The following HS6ST3 variants were observed in gnomAD, a reference collection of about 807,000 sequenced individuals.
HS6ST3 encodes heparan sulfate 6-O-sulfotransferase 3.
Under a neutral mutation model 36.7 loss-of-function variants are expected in HS6ST3, and 12 were observed. The observed-to-expected ratio is 0.33, with a 90% CI of 0.21 to 0.53. HS6ST3 has a LOEUF of 0.53. Ranked by LOEUF, HS6ST3 falls within the 20% of genes least tolerant of loss-of-function variation. The probability of loss-of-function intolerance (pLI) is 0.95; values close to 1 mark genes in which losing one functional copy is unlikely to be tolerated. For synonymous variants in HS6ST3, 240 were observed against 257.5 expected (o/e 0.93, Z 0.65); for missense variants, 584 against 640.9 (o/e 0.91, Z 0.96).
chr13:96,671,987 C>G (rs993537289), intron 1 of HS6ST3, among the ~76,000 whole-genome samples: 2 of 152,146 alleles, frequency 1.3e-5, no homozygotes, highest in African/African-American at 4.8e-5. Context: ...AATCAATACT[C>G]TCCTGCTCCA....
At chr13:96,315,999 G>A (rs2054967068) in intron 1 of HS6ST3, among the ~76,000 whole-genome samples, 2 of 152,014 alleles carry the variant, frequency 1.3e-5, no homozygotes, top group South Asian at 4.1e-4. Context: ...GCTCACTTCT[G>A]GTTGTATTTT....
At chr13:96,576,858 C>T (rs370991891) in intron 1 of HS6ST3, among the ~76,000 whole-genome samples, 7 of 144,682 alleles carry the variant, frequency 4.8e-5, no homozygotes, top group East Asian at 2.1e-4. Flanking sequence ...GCAGGAGAAT[C>T]GCTTGAACCC....
At chr13:96,102,127 T>C (rs1447485462) in intron 1 of HS6ST3, among the ~76,000 whole-genome samples, 1 of 152,216 alleles carries the variant, frequency 6.6e-6, no homozygotes, top group Non-Finnish European at 1.5e-5. Flanking sequence ...AGTTCCTTAT[T>C]GTGCCTTCTG....
intron 1 of HS6ST3, among the ~76,000 whole-genome samples, chr13:96,674,485 G>A (rs757064605): frequency 6.6e-6 from 1 of 151,854 alleles, no homozygotes; most frequent in African/African-American, 2.4e-5. Flanking sequence ...TTAATCCCCC[G>A]GGCTTCTCCT....
At chr13:96,439,305 T>C (rs1347253278) in intron 1 of HS6ST3, among the ~76,000 whole-genome samples, 1 of 152,216 alleles carries the variant, frequency 6.6e-6, no homozygotes, top group Non-Finnish European at 1.5e-5. Context: ...ATATGTGTAT[T>C]TCTAAAAGTA....
At chr13:96,753,107 T>C (rs544067752) in intron 1 of HS6ST3, among the ~76,000 whole-genome samples, 1 of 152,358 alleles carries the variant, frequency 6.6e-6, no homozygotes, top group Admixed American at 6.5e-5. Context: ...TTGGTGTTTT[T>C]ATCTATCCTT....
At chr13:96,739,578 G>A (rs920404582) in intron 1 of HS6ST3, among the ~76,000 whole-genome samples, 12 of 152,022 alleles carry the variant, frequency 7.9e-5, no homozygotes, top group African/African-American at 2.7e-4. Flanking sequence ...TCATCTCACA[G>A]CCCACATCCA....
At chr13:96,521,385 C>G (rs534033826) in intron 1 of HS6ST3, among the ~76,000 whole-genome samples, 1 of 152,192 alleles carries the variant, frequency 6.6e-6, no homozygotes, top group East Asian at 1.9e-4. Flanking sequence ...AGGGAGGATT[C>G]CCTCTTTTTC....
intron 1 of HS6ST3, among the ~76,000 whole-genome samples, chr13:96,821,126 G>T (rs1209954768): frequency 6.6e-6 from 1 of 152,184 alleles, no homozygotes. Context: ...GGTGTGCTGG[G>T]CTCAGGAAAA....
chr13:96,428,381 G>A (rs1295599353), intron 1 of HS6ST3, among the ~76,000 whole-genome samples: 1 of 152,134 alleles, frequency 6.6e-6, no homozygotes, highest in Non-Finnish European at 1.5e-5. Flanking sequence ...GGACTGGGTG[G>A]TTTAATAAAT....
At chr13:96,128,654 C>G (rs752486056) in intron 1 of HS6ST3, among the ~76,000 whole-genome samples, 13 of 152,160 alleles carry the variant, frequency 8.5e-5, no homozygotes, top group Admixed American at 2.6e-4. Flanking sequence ...CTCTGCATCT[C>G]CTGGTTCACC....
chr13:96,363,039 G>A (rs569469453), intron 1 of HS6ST3, among the ~76,000 whole-genome samples: 16 of 152,174 alleles, frequency 1.1e-4, no homozygotes, highest in African/African-American at 3.6e-4. Context: ...TGATTATAAA[G>A]GTTTAGCACA....
intron 1 of HS6ST3, among the ~76,000 whole-genome samples, chr13:96,372,168 A>G (rs2139441666): frequency 6.6e-6 from 1 of 152,246 alleles, no homozygotes; most frequent in African/African-American, 2.4e-5. Context: ...CATTTTGATA[A>G]TAGGCATCCT....
intron 1 of HS6ST3, among the ~76,000 whole-genome samples, chr13:96,536,979 A>G (rs1179812227): frequency 8.5e-5 from 13 of 152,156 alleles, no homozygotes; most frequent in Admixed American, 8.5e-4. Flanking sequence ...GCCTTGTGTA[A>G]GATGTAAGAA....
chr13:96,339,507 T>A lies in HS6ST3; in HGVS notation c.707+247938T>A, dbSNP rs1450952072. The stretch of plus-strand genomic sequence containing the variant: ...GGTGCTTCCTTGCCCAAGGCTATAG[T>A]TTCTAATTGCCTGAGAGCAGAAGCC... On this transcript the variant is annotated intron_variant, in intron 1 of 1. Transcript: ENST00000376705. 9.9e-5 allele frequency among the ~76,000 whole-genome samples: 15 copies of A among 152,256 alleles called. No homozygotes were observed. The East Asian group carries it at 2.7e-3, about 28-fold the overall frequency.
intron 1 of HS6ST3, among the ~76,000 whole-genome samples, chr13:96,326,624 G>A (rs148327569): frequency 0.012 from 1,886 of 152,146 alleles, 40 homozygotes; most frequent in African/African-American, 0.044. Context: ...TGTGAATAGT[G>A]CCTCAATAAA....
chr13:96,546,531 G>A (rs567140597), intron 1 of HS6ST3, among the ~76,000 whole-genome samples: 12 of 152,206 alleles, frequency 7.9e-5, no homozygotes, highest in African/African-American at 2.6e-4. Flanking sequence ...CTGTTTTTAT[G>A]TTCACTCTTC....
chr13:96,131,270 A>G (rs113718849), intron 1 of HS6ST3, among the ~76,000 whole-genome samples: 118 of 152,308 alleles, frequency 7.7e-4, no homozygotes, highest in Non-Finnish European at 1.5e-3. Context: ...AAACTCTTCT[A>G]TTCATTGAAA....
intron 1 of HS6ST3, among the ~76,000 whole-genome samples, chr13:96,291,023 T>C (rs2054827249): frequency 6.6e-6 from 1 of 152,238 alleles, no homozygotes; most frequent in Non-Finnish European, 1.5e-5. Flanking sequence ...CAACCTTTTC[T>C]GTGAAGTCTT....
Sources: allele counts gnomAD v4.1 joint callset (sites outside exome capture counted in the v4.1 genomes callset), GRCh38; gene constraint gnomAD v4.1.1; transcripts MANE v1.5; gene names NCBI Gene and HGNC (gene_info 2026-07-23, HGNC 2026-07-21).